The following FMN2 variants were observed in gnomAD, a reference collection of about 807,000 sequenced individuals.
FMN2 encodes the protein formin-2.
Under a neutral mutation model 142.3 loss-of-function variants are expected in FMN2, and 51 were observed. The observed-to-expected ratio is 0.36, with a 90% CI of 0.29 to 0.45. FMN2 has a LOEUF of 0.45. FMN2 is among the 20% of genes least tolerant of loss of function. The probability of loss-of-function intolerance (pLI) is 1.00; values close to 1 mark genes in which losing one functional copy is unlikely to be tolerated. For missense variants in FMN2, 1,936 were observed against 2,122.8 expected (o/e 0.91, Z 1.73); for synonymous variants, 882 against 869.8 (o/e 1.01, Z -0.25).
rs552300496 is a variant in FMN2 at position 240,355,121 on chromosome 1, C to T, written c.4766-695C>T. ...GATCAGGATTTCAGTTATGAATTTG[C>T]TGCATATTATCTGTGGACTCTTGGG... On this transcript the variant is annotated intron_variant, in intron 13 of 17. Coordinates refer to ENST00000319653, the MANE Select transcript of FMN2 (RefSeq NM_020066.5). 2.6e-4 allele frequency among the ~76,000 whole-genome samples: 39 copies of T among 152,220 alleles called. No homozygotes were observed. The South Asian group carries it at 7.7e-3, about 30-fold the overall frequency.
In FMN2 at chr1:240,473,552, T is replaced by C. The variant is rs1438564538; in HGVS notation, c.5143-576T>C. 6.6e-6 allele frequency among the ~76,000 whole-genome samples: 1 copy of C among 152,196 alleles called. No individual in the cohort carries two copies. The highest frequency in any genetic ancestry group is 2.4e-5 in the African/African-American group (1 of 41,462). On this transcript the variant is annotated intron_variant, in intron 17 of 17. Transcript: ENST00000319653. This position sits in a 1 kb window ranked among gnomAD's most constrained non-coding sequence, Gnocchi z 4.3. ...TAACCCAAATTGGGATATGATTAAATAGCCCTGTTTTTTTTTAAAAAGTTA... is the reference window on the plus strand; with the variant it reads ...TAACCCAAATTGGGATATGATTAAACAGCCCTGTTTTTTTTTAAAAAGTTA...
Position 240,438,261 on chromosome 1 carries a change from G to A in FMN2, c.5060+51G>A, listed in dbSNP as rs144268251. On this transcript the variant is annotated intron_variant, in intron 16 of 17. Coordinates refer to ENST00000319653, the MANE Select transcript of FMN2 (RefSeq NM_020066.5). Reference sequence around the variant, plus strand: ...CATTTTAAAACTGGTGTTTTATTAGGTGTGGCACCACTGGGTTGCCAATTT... The same window carrying A: ...CATTTTAAAACTGGTGTTTTATTAGATGTGGCACCACTGGGTTGCCAATTT... 1,750 of 1,569,618 alleles carry A rather than the reference G, an allele frequency of 1.1e-3. 20 individuals carry two copies. In the African/African-American group the frequency reaches 0.021, roughly 19 times the overall value.
intron 3 of FMN2, among the ~76,000 whole-genome samples, chr1:240,185,090 C>T (rs1168089154): frequency 0.013 from 195 of 14,710 alleles, no homozygotes; most frequent in Middle Eastern, 0.028. Flanking sequence ...CCTATACCTT[C>T]CCCCTTCTCT....
chr1:240,275,263 C>G (rs1669163694), intron 7 of FMN2, among the ~76,000 whole-genome samples: 1 of 151,778 alleles, frequency 6.6e-6, no homozygotes, highest in African/African-American at 2.4e-5. Flanking sequence ...AAACAGGCCC[C>G]AGTGTGTGAT....
intron 6 of FMN2, among the ~76,000 whole-genome samples, chr1:240,238,294 T>G (rs1266009399): frequency 3.3e-5 from 5 of 152,212 alleles, no homozygotes; most frequent in Non-Finnish European, 7.4e-5. Flanking sequence ...TATTAGATAT[T>G]CAATAGAGAT....
rs191593997 is a variant in FMN2 at position 240,094,928 on chromosome 1, C to A, written c.1615+1204C>A. The stretch of plus-strand genomic sequence containing the variant: ...CCACATTTTAATTTTCATCTGTGGG[C>A]CACCTTTTATTTTGCCCTTATAGGG... On this transcript the variant is annotated intron_variant, in intron 1 of 17. Coordinates refer to ENST00000319653, the MANE Select transcript of FMN2 (RefSeq NM_020066.5). 1.3e-3 allele frequency among the ~76,000 whole-genome samples: 204 copies of A among 152,122 alleles called. 1 individual carries two copies. The highest frequency in any genetic ancestry group is 4.6e-3 in the African/African-American group (193 of 41,506).
chr1:240,249,344 T>C (rs1302449842), intron 6 of FMN2, among the ~76,000 whole-genome samples: 1 of 152,158 alleles, frequency 6.6e-6, no homozygotes, highest in Non-Finnish European at 1.5e-5. Context: ...GCACAATTTA[T>C]TGAAGAGGGT....
intron 15 of FMN2, among the ~76,000 whole-genome samples, chr1:240,430,041 G>A (rs1213289261): frequency 6.6e-6 from 1 of 151,664 alleles, no homozygotes; most frequent in Admixed American, 6.6e-5. Context: ...GCCCACCACC[G>A]TGCCCTGCTA....
intron 1 of FMN2, among the ~76,000 whole-genome samples, chr1:240,094,093 C>T (rs187930680): frequency 1.6e-4 from 25 of 152,228 alleles, no homozygotes; most frequent in African/African-American, 6.0e-4. Context: ...TTCATCACCA[C>T]AGCATTAAAA....
At chr1:240,314,856 TTC>T (rs1670719606) in intron 8 of FMN2, among the ~76,000 whole-genome samples, 1 of 152,230 alleles carries the variant, frequency 6.6e-6, no homozygotes, top group African/African-American at 2.4e-5. Context: ...AATTCTGTTC[TTC>T]TGTGATCTGC....
At chr1:240,312,379 C>T (rs770647531) in intron 8 of FMN2, among the ~76,000 whole-genome samples, 2 of 152,130 alleles carry the variant, frequency 1.3e-5, no homozygotes, top group Non-Finnish European at 2.9e-5. Context: ...TCAAATCCTT[C>T]CATTTCAGGC....
At chr1:240,170,610 T>C in intron 2 of FMN2, 1 of 1,574,664 alleles carries the variant, frequency 6.4e-7, no homozygotes, top group Non-Finnish European at 8.7e-7. Flanking sequence ...GCACATTTTC[T>C]GAATGCACAG....
At chr1:240,372,051 C>T (rs570808749) in intron 14 of FMN2, among the ~76,000 whole-genome samples, 10 of 151,924 alleles carry the variant, frequency 6.6e-5, no homozygotes, top group East Asian at 1.9e-4. Flanking sequence ...GCCAGGTCAA[C>T]GTGGTGAAAC....
At chr1:240,113,272 G>A (rs907101861) in intron 1 of FMN2, among the ~76,000 whole-genome samples, 1 of 151,940 alleles carries the variant, frequency 6.6e-6, no homozygotes, top group African/African-American at 2.4e-5. Context: ...CAGTTAAGAA[G>A]TAAGATTGTG....
chr1:240,305,381 G>A (rs1048682314), intron 8 of FMN2, among the ~76,000 whole-genome samples: 8 of 152,216 alleles, frequency 5.3e-5, no homozygotes, highest in African/African-American at 9.6e-5. Context: ...GAAAGCATGC[G>A]TTTCCCAGTA....
intron 3 of FMN2, among the ~76,000 whole-genome samples, chr1:240,183,299 G>C (rs1405122759): frequency 6.6e-6 from 1 of 151,406 alleles, no homozygotes; most frequent in Non-Finnish European, 1.5e-5. Flanking sequence ...GGGGAGACTT[G>C]GTAGTATTCT....
At chr1:240,181,342 G>T (rs922920816) in intron 3 of FMN2, among the ~76,000 whole-genome samples, 8 of 152,148 alleles carry the variant, frequency 5.3e-5, no homozygotes, top group Admixed American at 5.2e-4. Context: ...CAATTCACAT[G>T]TCCAGCTAGT....
chr1:240,123,445 A>C, intron 2 of FMN2, 100 bp downstream of exon 2: 6 of 1,219,978 alleles, frequency 4.9e-6, no homozygotes, highest in Non-Finnish European at 5.5e-6. Context: ...TAAAAACAAC[A>C]TGTGATTCAA....
In FMN2 at chr1:240,093,519, G is replaced by A. The variant is rs750394019; in HGVS notation, c.1410G>A (p.Arg470=). 6.3e-7 allele frequency: 1 copy of A among 1,587,306 alleles called. No individual in the cohort carries two copies. The highest frequency in any genetic ancestry group is 8.6e-7 in the Non-Finnish European group (1 of 1,169,434). ...TAGCCGCCCCGGCCAAGAAGCACCG[G>A]GCCGACGGCGGCCTTGCGGCCGGCC... ...ASVAAPAKKH[R]ADGGLAAGLS... is the part of the protein sequence containing the mutation. The change falls in exon 1 of 18, where the codon CGG becomes CGA. Residue 470 remains arginine, a synonymous_variant. Transcript: ENST00000319653.
Sources: gnomAD v4.1 joint callset for allele counts (sites outside exome capture counted in the v4.1 genomes callset) on GRCh38, gnomAD v4.1.1 for gene constraint, Gnocchi (gnomAD v3.1) non-coding constraint, MANE v1.5 for transcripts, NCBI Gene and HGNC (gene_info 2026-07-23, HGNC 2026-07-21) for gene names.